The following SMG6 variants were observed in gnomAD, a reference collection of about 807,000 sequenced individuals.
The protein encoded by SMG6 is SMG6 nonsense mediated mRNA decay factor.
Under a neutral mutation model 142.2 loss-of-function variants are expected in SMG6, and 66 were observed. The observed-to-expected ratio is 0.46, with a 90% CI of 0.38 to 0.57. SMG6 has a LOEUF of 0.57. SMG6 is among the 20% of genes least tolerant of loss of function. The probability of loss-of-function intolerance (pLI) is 0.00; values close to 1 mark genes in which losing one functional copy is unlikely to be tolerated. For missense variants in SMG6, 1,793 were observed against 1,832.0 expected (o/e 0.98, Z 0.39); for synonymous variants, 779 against 702.4 (o/e 1.11, Z -1.72).
intron 6 of SMG6, among the ~76,000 whole-genome samples, chr17:2,284,277 C>T (rs1352233665): frequency 6.6e-6 from 1 of 152,106 alleles, no homozygotes; most frequent in African/African-American, 2.4e-5. Context: ...GAGGAGTATC[C>T]TCAGGTTTAC....
chr17:2,299,630 T>C lies in SMG6; in HGVS notation c.1123A>G (p.Arg375Gly), dbSNP rs1484743146. 1.5e-5 allele frequency: 24 copies of C among 1,614,224 alleles called. No individual in the cohort carries two copies. Among genetic ancestry groups the C allele is most frequent in the Non-Finnish European group, 2.0e-5 (24 of 1,180,034 alleles). ...CTCAAGCCTTTGTCAGGCTTTCCTCTATCCATATCATCCCTGGCTGACCTC... is the reference window on the plus strand; with the variant it reads ...CTCAAGCCTTTGTCAGGCTTTCCTCCATCCATATCATCCCTGGCTGACCTC... ...MVRSARDDMD[R>G]GKPDKGLSSG... Residue 375 changes from arginine to glycine, a missense_variant, in exon 2 of 19, where the codon AGA becomes GGA. By Grantham distance (125) the Arg-to-Gly change is moderately radical (BLOSUM62 -2). Coordinates refer to ENST00000263073, the MANE Select transcript of SMG6 (RefSeq NM_017575.5). The surrounding 1 kb of genome is among the most constrained non-coding windows in gnomAD (Gnocchi z 4.3).
At chr17:2,148,858 CA>C (rs145407655) in intron 13 of SMG6, among the ~76,000 whole-genome samples, 102 of 135,196 alleles carry the variant, frequency 7.5e-4, no homozygotes, top group Non-Finnish European at 7.3e-4. Flanking sequence ...GACTCTGTCT[CA>C]AAAAAAAAAA....
intron 13 of SMG6, among the ~76,000 whole-genome samples, chr17:2,120,636 T>C (rs776246896): frequency 3.9e-5 from 6 of 152,160 alleles, no homozygotes; most frequent in African/African-American, 1.4e-4. Flanking sequence ...GGCAGGAGGA[T>C]TGCCCGAACC....
chr17:2,080,711 C>A (rs1191221096), intron 15 of SMG6, among the ~76,000 whole-genome samples: 1 of 151,904 alleles, frequency 6.6e-6, no homozygotes, highest in Non-Finnish European at 1.5e-5. Flanking sequence ...GATTGGCTCA[C>A]TGCAACCTCC....
chr17:2,191,465 G>T (rs536793428), intron 10 of SMG6, among the ~76,000 whole-genome samples: 1 of 152,318 alleles, frequency 6.6e-6, no homozygotes, highest in Admixed American at 6.5e-5. Flanking sequence ...GGCATTGTTT[G>T]CCTTGGTATT....
intron 13 of SMG6, among the ~76,000 whole-genome samples, chr17:2,109,771 C>T (rs1211040878): frequency 6.6e-6 from 1 of 151,990 alleles, no homozygotes; most frequent in East Asian, 1.9e-4. Context: ...CTAGAGAAAC[C>T]TATATACACC....
At position 2,303,755 on chromosome 17, in the gene SMG6, C is replaced by T; in HGVS notation, c.-35G>A. 1 of 1,475,392 alleles carries T rather than the reference C, an allele frequency of 6.8e-7. No homozygotes were observed. Among genetic ancestry groups the T allele is most frequent in the Non-Finnish European group, 9.0e-7 (1 of 1,116,826 alleles). 91.4% of individuals were successfully genotyped at this position (1,475,392 alleles called of 1,614,324 possible). On this transcript the variant is annotated 5_prime_UTR_variant, in exon 1 of 19. Transcript: ENST00000263073. Reference sequence around the variant, plus strand: ...TGCTGCTACAGCCGTAGCGGCTCCGCCACCGCCGCGCGCAGCCAGGAAACC... The same window carrying T: ...TGCTGCTACAGCCGTAGCGGCTCCGTCACCGCCGCGCGCAGCCAGGAAACC...
chr17:2,119,884 G>A (rs1040267835), intron 13 of SMG6, among the ~76,000 whole-genome samples: 3 of 151,764 alleles, frequency 2.0e-5, no homozygotes, highest in Non-Finnish European at 2.9e-5. Flanking sequence ...GCATGGTCTC[G>A]ATCTCCTGAC....
rs985807446 is a variant in SMG6 at position 2,236,373 on chromosome 17, G to A, written c.2869+119C>T. 6 of 893,994 alleles carry A rather than the reference G, an allele frequency of 6.7e-6. No homozygotes were observed. In the South Asian group the frequency reaches 8.7e-5, roughly 13 times the overall value. The allele number at this position is 893,994 out of a possible 1,614,324, so 55.4% of individuals were successfully genotyped here. A position where few individuals can be genotyped will look rare whatever the true frequency, so the allele number is the denominator to read the frequency against. ...AATGGTAGGAAGCGTAGGGTAGGGTGTGTGTGTTCGGGGGTGGGGTGGGGG... is the reference window on the plus strand; with the variant it reads ...AATGGTAGGAAGCGTAGGGTAGGGTATGTGTGTTCGGGGGTGGGGTGGGGG... On this transcript the variant is annotated intron_variant, in intron 10 of 18. Transcript: ENST00000263073.
chr17:2,130,747 T>TAA (rs370855097), intron 13 of SMG6, among the ~76,000 whole-genome samples: 8 of 143,080 alleles, frequency 5.6e-5, no homozygotes, highest in Admixed American at 7.0e-5. Flanking sequence ...TCAAGTGGTT[T>TAA]AAAAAAAAAA....
intron 9 of SMG6, among the ~76,000 whole-genome samples, chr17:2,242,124 G>C (rs1033047428): frequency 6.6e-6 from 1 of 151,926 alleles, no homozygotes; most frequent in Non-Finnish European, 1.5e-5. Flanking sequence ...AACATGGTAC[G>C]GGAAAATTTA....
At chr17:2,242,690 A>T (rs112999919) in intron 9 of SMG6, among the ~76,000 whole-genome samples, 7 of 1,384 alleles carry the variant, frequency 5.1e-3, no homozygotes, top group East Asian at 0.029. Context: ...CCATCTCTTT[A>T]AAAAAAAAAA....
At chr17:2,132,001 G>A (rs1009842546) in intron 13 of SMG6, among the ~76,000 whole-genome samples, 1 of 152,102 alleles carries the variant, frequency 6.6e-6, no homozygotes, top group Non-Finnish European at 1.5e-5. Flanking sequence ...CAACACAGGA[G>A]GCGGAGGTTG....
chr17:2,138,159 A>C (rs1053148319), intron 13 of SMG6, among the ~76,000 whole-genome samples: 2 of 152,186 alleles, frequency 1.3e-5, no homozygotes, highest in African/African-American at 4.8e-5. Context: ...CAGGAAAAAA[A>C]AAACACCCTG....
intron 10 of SMG6, among the ~76,000 whole-genome samples, chr17:2,198,950 T>TAAAAAAAAAAAAAAAAAA (rs55660022): frequency 9.8e-6 from 1 of 102,152 alleles, no homozygotes; most frequent in African/African-American, 3.7e-5. Flanking sequence ...AAAATAAAAT[T>TAAAAAAAAAAAAAAAAAA]AAAAAAAAAA....
At chr17:2,245,686 G>A (rs1304968759) in intron 8 of SMG6, among the ~76,000 whole-genome samples, 1 of 151,864 alleles carries the variant, frequency 6.6e-6, no homozygotes, top group Non-Finnish European at 1.5e-5. Flanking sequence ...CACCCAGCAT[G>A]TTTTGTTGTT....
intron 16 of SMG6, among the ~76,000 whole-genome samples, chr17:2,067,740 A>C: frequency 6.6e-6 from 1 of 152,160 alleles, no homozygotes; most frequent in East Asian, 1.9e-4. Flanking sequence ...GGTGGTGCTA[A>C]CGTGTTTCCC....
intron 13 of SMG6, among the ~76,000 whole-genome samples, chr17:2,134,419 C>CA (rs58429166): frequency 0.72 from 20,688 of 28,630 alleles, 9,249 homozygotes; most frequent in Middle Eastern, 0.86. Flanking sequence ...GACTCCATCT[C>CA]AAAAAAAAAA....
At chr17:2,228,818 A>G (rs1425461162) in intron 10 of SMG6, among the ~76,000 whole-genome samples, 1 of 152,250 alleles carries the variant, frequency 6.6e-6, no homozygotes, top group Non-Finnish European at 1.5e-5. Context: ...GAGGAAGTAC[A>G]TAGGAACATC....
Sources: allele counts gnomAD v4.1 joint callset (sites outside exome capture counted in the v4.1 genomes callset), GRCh38; gene constraint gnomAD v4.1.1; non-coding constraint Gnocchi (gnomAD v3.1); transcripts MANE v1.5; gene names NCBI Gene and HGNC (gene_info 2026-07-23, HGNC 2026-07-21).